Variants in DYNC1I1 observed in about 807,000 individuals in gnomAD.
The protein encoded by DYNC1I1 is cytoplasmic dynein 1 intermediate chain 1.
A neutral mutation model predicts 86.6 loss-of-function variants in DYNC1I1; 43 were observed. That is an observed-to-expected ratio of 0.50 (90% CI 0.39 to 0.64). The LOEUF (loss-of-function observed/expected upper bound fraction) is 0.64. Ranked by LOEUF, DYNC1I1 falls within the 30% of genes least tolerant of loss-of-function variation. DYNC1I1 has a pLI of 0.00. For missense variants in DYNC1I1, 604 were observed against 788.8 expected, an observed-to-expected ratio of 0.77 and a Z score of 2.81; for synonymous variants, 262 against 283.7, an observed-to-expected ratio of 0.92 and a Z score of 0.77.
intron 6 of DYNC1I1, among the ~76,000 whole-genome samples, chr7:95,950,659 C>T (rs896967183): frequency 6.6e-6 from 1 of 152,078 alleles, no homozygotes; most frequent in Non-Finnish European, 1.5e-5. Context: ...ACCAGAGCGT[C>T]AGTAGATCAG....
intron 10 of DYNC1I1, among the ~76,000 whole-genome samples, chr7:96,025,841 G>GA (rs554163131): frequency 2.4e-5 from 1 of 42,140 alleles, no homozygotes; most frequent in Non-Finnish European, 4.5e-5. Context: ...ACAAGCTTGC[G>GA]GGGGGGGGAT....
intron 6 of DYNC1I1, among the ~76,000 whole-genome samples, chr7:95,961,851 C>T (rs1019370473): frequency 6.6e-6 from 1 of 152,196 alleles, no homozygotes; most frequent in Non-Finnish European, 1.5e-5. Flanking sequence ...AACTGAAGGC[C>T]TTAGCCTAGC....
intron 9 of DYNC1I1, among the ~76,000 whole-genome samples, chr7:95,987,634 C>T (rs1484390157): frequency 6.6e-6 from 1 of 152,166 alleles, no homozygotes; most frequent in Non-Finnish European, 1.5e-5. Flanking sequence ...AACCCCTGCT[C>T]TTCTTCCTGA....
chr7:96,013,881 A>G (rs1794339904), intron 10 of DYNC1I1, among the ~76,000 whole-genome samples: 1 of 152,158 alleles, frequency 6.6e-6, no homozygotes, highest in Admixed American at 6.5e-5. Flanking sequence ...GATCCATTTT[A>G]TTGTACCCAT....
At chr7:95,811,108 G>A (rs936048137) in intron 3 of DYNC1I1, among the ~76,000 whole-genome samples, 3 of 152,022 alleles carry the variant, frequency 2.0e-5, no homozygotes, top group Admixed American at 6.6e-5. Context: ...TTCCTAGTTG[G>A]TTGTCTGTGA....
At chr7:95,878,671 AT>A (rs1220998052) in intron 6 of DYNC1I1, among the ~76,000 whole-genome samples, 1 of 152,216 alleles carries the variant, frequency 6.6e-6, no homozygotes, top group Non-Finnish European at 1.5e-5. Context: ...AAATACTCAA[AT>A]AAATAATGGA....
At chr7:96,064,052 C>T (rs1380106294) in intron 14 of DYNC1I1, among the ~76,000 whole-genome samples, 1 of 152,150 alleles carries the variant, frequency 6.6e-6, no homozygotes, top group South Asian at 2.1e-4. Context: ...CGTTGATCAC[C>T]ATCTTCAGAA....
intron 15 of DYNC1I1, among the ~76,000 whole-genome samples, chr7:96,077,280 A>T (rs933722888): frequency 7.2e-6 from 1 of 138,520 alleles, no homozygotes; most frequent in African/African-American, 2.8e-5. Context: ...TGTGTGTGGG[A>T]GGGGGCAGGG....
At chr7:95,975,989 A>T (rs1351544622) in intron 6 of DYNC1I1, among the ~76,000 whole-genome samples, 2 of 152,214 alleles carry the variant, frequency 1.3e-5, no homozygotes, top group Non-Finnish European at 2.9e-5. Context: ...AAGAGATAGC[A>T]TTAATATGTT....
At chr7:96,108,479 A>G (rs1342496669) in intron 16 of DYNC1I1, among the ~76,000 whole-genome samples, 1 of 152,116 alleles carries the variant, frequency 6.6e-6, no homozygotes, top group Non-Finnish European at 1.5e-5. Context: ...CTTGCCTTCC[A>G]TTTTCTCTAA....
At chr7:95,963,306 C>T (rs1792922536) in intron 6 of DYNC1I1, among the ~76,000 whole-genome samples, 1 of 152,172 alleles carries the variant, frequency 6.6e-6, no homozygotes, top group Non-Finnish European at 1.5e-5. Flanking sequence ...TATTTACATA[C>T]ATTTGTCGTT....
At chr7:95,855,184 T>G (rs1789686825) in intron 5 of DYNC1I1, among the ~76,000 whole-genome samples, 1 of 152,230 alleles carries the variant, frequency 6.6e-6, no homozygotes, top group Non-Finnish European at 1.5e-5. Context: ...TATTTATACT[T>G]CATTTCTGAA....
intron 6 of DYNC1I1, among the ~76,000 whole-genome samples, chr7:95,926,584 T>G (rs1791752302): frequency 6.6e-6 from 1 of 152,180 alleles, no homozygotes; most frequent in African/African-American, 2.4e-5. Flanking sequence ...TTTGAGAAGG[T>G]ACAGTAACTT....
intron 15 of DYNC1I1, among the ~76,000 whole-genome samples, chr7:96,077,347 A>G (rs1360596968): frequency 2.0e-5 from 3 of 152,034 alleles, no homozygotes; most frequent in Non-Finnish European, 4.4e-5. Flanking sequence ...ATATACACCT[A>G]TAATTGCTGC....
intron 6 of DYNC1I1, among the ~76,000 whole-genome samples, chr7:95,925,477 A>G (rs1791719526): frequency 6.6e-6 from 1 of 152,118 alleles, no homozygotes; most frequent in African/African-American, 2.4e-5. Context: ...CCTGTATGCA[A>G]CTCTAAATTA....
chr7:95,881,072 A>G (rs1247111924), intron 6 of DYNC1I1, among the ~76,000 whole-genome samples: 2 of 152,244 alleles, frequency 1.3e-5, no homozygotes, highest in African/African-American at 4.8e-5. Context: ...TTCTGAAGAA[A>G]TCAAAGTACT....
rs551327369 is a variant in DYNC1I1 at position 95,847,000 on chromosome 7, T to A, written c.374+18884T>A. 2.6e-5 allele frequency among the ~76,000 whole-genome samples: 4 copies of A among 152,322 alleles called. No individual in the cohort carries two copies. The East Asian group carries it at 7.7e-4, about 29-fold the overall frequency. On this transcript the variant is annotated intron_variant, in intron 5 of 16. Coordinates refer to ENST00000447467, the MANE Select transcript of DYNC1I1 (RefSeq NM_001135556.2). ...ACCTTTGGTCCTGCATTTCTTATGATCAGAAAAGCCCTTATCACAAACTCA... is the reference window on the plus strand; with the variant it reads ...ACCTTTGGTCCTGCATTTCTTATGAACAGAAAAGCCCTTATCACAAACTCA...
chr7:95,879,834 T>C (rs372139254), intron 6 of DYNC1I1, among the ~76,000 whole-genome samples: 2 of 152,110 alleles, frequency 1.3e-5, no homozygotes, highest in East Asian at 3.9e-4. Flanking sequence ...CTCCTCCTAA[T>C]AGAGAGAGAA....
chr7:95,797,967 T>C (rs1242806775), intron 1 of DYNC1I1, among the ~76,000 whole-genome samples: 1 of 152,132 alleles, frequency 6.6e-6, no homozygotes, highest in Non-Finnish European at 1.5e-5. Context: ...TCTTGGAAAT[T>C]GTATGTTTTT....
Sources: allele counts gnomAD v4.1 joint callset (sites outside exome capture counted in the v4.1 genomes callset), GRCh38; gene constraint gnomAD v4.1.1; transcripts MANE v1.5; gene names NCBI Gene and HGNC (gene_info 2026-07-23, HGNC 2026-07-21).